Variants in PCP4 observed in about 807,000 individuals in gnomAD.
PCP4 encodes calmodulin regulator protein PCP4.
A neutral mutation model predicts 10.0 loss-of-function variants in PCP4; 8 were observed. The observed-to-expected ratio is 0.80, with a 90% CI of 0.47 to 1.45. The LOEUF is 1.45. PCP4 is among the 40% of genes most tolerant of loss of function. PCP4 has a pLI of 0.00. For synonymous variants in PCP4, 21 were observed against 23.0 expected (o/e 0.91, Z 0.24); for missense variants, 54 against 74.4 (o/e 0.73, Z 1.01).
intron 1 of PCP4, among the ~76,000 whole-genome samples, chr21:39,878,167 A>G (rs2087355461): frequency 6.6e-6 from 1 of 152,198 alleles, no homozygotes; most frequent in South Asian, 2.1e-4. Flanking sequence ...GTGTCCACGC[A>G]GAGCTACAGG....
intron 1 of PCP4, among the ~76,000 whole-genome samples, chr21:39,872,986 A>G (rs1246985034): frequency 6.6e-6 from 1 of 152,226 alleles, no homozygotes; most frequent in Non-Finnish European, 1.5e-5. Flanking sequence ...GGATCTCAAC[A>G]GAAGGACCTC....
chr21:39,920,804 A>G (rs1365832814), intron 2 of PCP4, among the ~76,000 whole-genome samples: 1 of 152,184 alleles, frequency 6.6e-6, no homozygotes, highest in Non-Finnish European at 1.5e-5. Context: ...GAATGCACAG[A>G]TGAAGACCAT....
intron 1 of PCP4, among the ~76,000 whole-genome samples, chr21:39,885,580 T>C (rs1263303409): frequency 6.6e-6 from 1 of 152,192 alleles, no homozygotes; most frequent in African/African-American, 2.4e-5. Flanking sequence ...TGGTTTGGGG[T>C]TCAGGAGAGA....
chr21:39,892,350 A>G (rs758512508), intron 1 of PCP4, among the ~76,000 whole-genome samples: 8 of 152,248 alleles, frequency 5.3e-5, no homozygotes, highest in Non-Finnish European at 1.0e-4. Context: ...TCTAATTTGT[A>G]TTATGACTAT....
At chr21:39,890,592 C>T (rs2087425563) in intron 1 of PCP4, among the ~76,000 whole-genome samples, 1 of 151,834 alleles carries the variant, frequency 6.6e-6, no homozygotes, top group African/African-American at 2.4e-5. Flanking sequence ...TGGTCTCAAA[C>T]TCCTGACCTC....
chr21:39,881,362 T>G (rs760997258), intron 1 of PCP4, among the ~76,000 whole-genome samples: 44 of 152,310 alleles, frequency 2.9e-4, no homozygotes, highest in Non-Finnish European at 7.3e-5. Context: ...CACCTGCATT[T>G]CATTACAACA....
At position 39,910,876 on chromosome 21, in the gene PCP4, G is replaced by C. The variant is rs2087536543; in HGVS notation, c.61+12349G>C. ...GGTTTGCTCATGAAGGGTGGGGCTT[G>C]GGTGAATTCCCATTTGTTCTGTCCC... On this transcript the variant is annotated intron_variant, in intron 2 of 2. Coordinates refer to ENST00000328619, the MANE Select transcript of PCP4 (RefSeq NM_006198.3). 2.0e-5 allele frequency among the ~76,000 whole-genome samples: 3 copies of C among 152,192 alleles called. No individual in the cohort carries two copies. In the South Asian group the frequency reaches 6.2e-4, roughly 32 times the overall value.
chr21:39,887,318 C>T (rs1027676904), intron 1 of PCP4, among the ~76,000 whole-genome samples: 2 of 148,840 alleles, frequency 1.3e-5, no homozygotes, highest in Admixed American at 6.9e-5. Context: ...TTGAAAATCC[C>T]ATCACTTTTT....
rs1025381529 is a variant in PCP4 at position 39,868,821 on chromosome 21, T to C, written c.9+1311T>C. On this transcript the variant is annotated intron_variant, in intron 1 of 2. Transcript: ENST00000328619. The stretch of plus-strand genomic sequence containing the variant: ...TGGGCTGCAATGCTGGGTGGTTGAC[T>C]GCCGGGTGAATCTTGATGTCTAAAT... Among the ~76,000 whole-genome samples, 10 of 152,296 alleles carry C rather than the reference T, an allele frequency of 6.6e-5. 1 individual carries two copies. Among genetic ancestry groups the C allele is most frequent in the East Asian group, 3.9e-4 (2 of 5,178 alleles).
At chr21:39,870,398 A>T (rs916892383) in intron 1 of PCP4, among the ~76,000 whole-genome samples, 2 of 152,148 alleles carry the variant, frequency 1.3e-5, no homozygotes, top group Non-Finnish European at 2.9e-5. Context: ...ATTGGAAGAG[A>T]ATGTAGCAGG....
intron 2 of PCP4, among the ~76,000 whole-genome samples, chr21:39,925,589 A>C (rs1294172369): frequency 6.6e-6 from 1 of 152,216 alleles, no homozygotes; most frequent in Non-Finnish European, 1.5e-5. Context: ...TGCACCGTGA[A>C]GAACTGCAAT....
At chr21:39,927,337 CT>C (rs1300273501) in intron 2 of PCP4, among the ~76,000 whole-genome samples, 1,146 of 72,216 alleles carry the variant, frequency 0.016, 7 homozygotes, top group Middle Eastern at 0.032. Flanking sequence ...ATCTATCTAT[CT>C]GTCTATCTAT....
In PCP4 at chr21:39,906,956, A is replaced by T. The variant is rs1454854534; in HGVS notation, c.61+8429A>T. Among the ~76,000 whole-genome samples the T allele has an allele frequency of 6.6e-6, 1 of 152,130 alleles. No individual in the cohort carries two copies. The highest frequency in any genetic ancestry group is 1.5e-5 in the Non-Finnish European group (1 of 68,030). On this transcript the variant is annotated intron_variant, in intron 2 of 2. Coordinates refer to ENST00000328619, the MANE Select transcript of PCP4 (RefSeq NM_006198.3). The surrounding 1 kb of genome is among the most constrained non-coding windows in gnomAD (Gnocchi z 6.3). ...CGCTTGAAAACACTTTTGCTCTTTT[A>T]AGTAGGTGAAACACTCATAATCTTA...
chr21:39,904,037 A>G (rs1314738466), intron 2 of PCP4, among the ~76,000 whole-genome samples: 1 of 152,126 alleles, frequency 6.6e-6, no homozygotes, highest in Non-Finnish European at 1.5e-5. Flanking sequence ...TTGGATTTTG[A>G]GGAAACACAC....
intron 1 of PCP4, among the ~76,000 whole-genome samples, chr21:39,875,426 C>T (rs1027020177): frequency 5.9e-5 from 9 of 152,180 alleles, no homozygotes; most frequent in South Asian, 2.1e-4. Flanking sequence ...ATGTCCAAGA[C>T]GGGCGATGGT....
At chr21:39,926,643 G>A (rs1398715426) in intron 2 of PCP4, among the ~76,000 whole-genome samples, 1 of 152,266 alleles carries the variant, frequency 6.6e-6, no homozygotes, top group East Asian at 1.9e-4. Flanking sequence ...GATGTTATTG[G>A]TACAAAAGGG....
intron 2 of PCP4, among the ~76,000 whole-genome samples, chr21:39,927,369 C>CTATAT (rs1555851259): frequency 9.1e-4 from 59 of 65,144 alleles, no homozygotes; most frequent in East Asian, 2.1e-3. Flanking sequence ...ATCTATCTAT[C>CTATAT]ATCTATCTAT....
intron 1 of PCP4, among the ~76,000 whole-genome samples, chr21:39,892,773 T>C (rs2087439124): frequency 6.6e-6 from 1 of 152,204 alleles, no homozygotes; most frequent in African/African-American, 2.4e-5. Flanking sequence ...ATCGTCACCC[T>C]GTTGTGCTAT....
intron 2 of PCP4, among the ~76,000 whole-genome samples, chr21:39,920,097 GTGTGTT>G (rs544505809): frequency 1.6e-4 from 24 of 147,292 alleles, no homozygotes; most frequent in African/African-American, 5.3e-4. Flanking sequence ...TGATGTGTGT[GTGTGTT>G]TGGTCTGTGT....
Sources: gnomAD v4.1 joint callset for allele counts (sites outside exome capture counted in the v4.1 genomes callset) on GRCh38, gnomAD v4.1.1 for gene constraint, Gnocchi (gnomAD v3.1) non-coding constraint, MANE v1.5 for transcripts, NCBI Gene and HGNC (gene_info 2026-07-23, HGNC 2026-07-21) for gene names.